The following KCNQ5 variants were observed in gnomAD, a reference collection of about 807,000 sequenced individuals.
The protein encoded by KCNQ5 is potassium voltage-gated channel subfamily KQT member 5.
In KCNQ5, 30 loss-of-function variants were observed where a neutral mutation model predicts 98.2. That is an observed-to-expected ratio of 0.31 (90% CI 0.23 to 0.41). The LOEUF (loss-of-function observed/expected upper bound fraction) is 0.41, where lower values mean the gene tolerates loss of function less well. KCNQ5 is among the 10% of genes least tolerant of loss of function. KCNQ5 has a pLI of 1.00. For synonymous variants in KCNQ5, 458 were observed against 449.4 expected, an observed-to-expected ratio of 1.02 and a Z score of -0.24; for missense variants, 835 against 1,182.5, an observed-to-expected ratio of 0.71 and a Z score of 4.31.
intron 3 of KCNQ5, among the ~76,000 whole-genome samples, chr6:73,062,650 T>C (rs1288634623): frequency 6.6e-6 from 1 of 152,214 alleles, no homozygotes; most frequent in East Asian, 1.9e-4. Context: ...TCAGAGGTTT[T>C]CAAAAGGATA....
intron 3 of KCNQ5, among the ~76,000 whole-genome samples, chr6:73,051,464 A>C (rs1282558734): frequency 6.6e-6 from 1 of 152,108 alleles, no homozygotes; most frequent in Non-Finnish European, 1.5e-5. Context: ...GGCACCACCC[A>C]TCAGAGTATT....
intron 10 of KCNQ5, among the ~76,000 whole-genome samples, chr6:73,160,675 AG>A (rs1347356972): frequency 5.3e-5 from 8 of 152,222 alleles, no homozygotes; most frequent in Non-Finnish European, 1.2e-4. Flanking sequence ...AGCAGCACCA[AG>A]GAACACAGGA....
intron 2 of KCNQ5, among the ~76,000 whole-genome samples, chr6:73,035,745 C>T (rs1045085222): frequency 6.6e-6 from 1 of 152,154 alleles, no homozygotes; most frequent in Non-Finnish European, 1.5e-5. Flanking sequence ...TTTCCTCTTA[C>T]GAGTCTATCC....
intron 1 of KCNQ5, among the ~76,000 whole-genome samples, chr6:72,758,169 C>T (rs1192028399): frequency 2.0e-5 from 3 of 151,930 alleles, no homozygotes; most frequent in Admixed American, 1.3e-4. Flanking sequence ...GAAAGAATCC[C>T]TTCTTCTCAT....
At chr6:73,003,839 A>C (rs1769702206) in intron 1 of KCNQ5, 69 bp from the exon 2 acceptor site, 1 of 1,059,084 alleles carries the variant, frequency 9.4e-7, no homozygotes, top group Non-Finnish European at 1.4e-6. Flanking sequence ...TATTCATTTG[A>C]AGCAAGAAAT....
At chr6:72,671,156 CA>C (rs1226092963) in intron 1 of KCNQ5, among the ~76,000 whole-genome samples, 1 of 152,180 alleles carries the variant, frequency 6.6e-6, no homozygotes, top group African/African-American at 2.4e-5. Context: ...AGCGTTCTCT[CA>C]GGCCTTCTCC....
At chr6:72,723,427 C>T (rs901224631) in intron 1 of KCNQ5, among the ~76,000 whole-genome samples, 8 of 151,996 alleles carry the variant, frequency 5.3e-5, no homozygotes, top group African/African-American at 1.9e-4. Flanking sequence ...ATACCTGTTA[C>T]TTTATATATG....
intron 9 of KCNQ5, among the ~76,000 whole-genome samples, chr6:73,129,379 C>A (rs552709927): frequency 2.6e-5 from 4 of 152,268 alleles, no homozygotes; most frequent in Admixed American, 2.6e-4. Context: ...TCACACAAAC[C>A]AAGAACTTAC....
At chr6:72,706,663 T>G (rs1391650833) in intron 1 of KCNQ5, among the ~76,000 whole-genome samples, 1 of 152,280 alleles carries the variant, frequency 6.6e-6, no homozygotes, top group East Asian at 1.9e-4. Flanking sequence ...TACAGCAACC[T>G]AAACTGATGT....
chr6:72,742,195 C>T (rs1479420828), intron 1 of KCNQ5, among the ~76,000 whole-genome samples: 2 of 152,098 alleles, frequency 1.3e-5, no homozygotes, highest in African/African-American at 2.4e-5. Context: ...CACAGTGGAG[C>T]CCTGGTTAGA....
chr6:72,692,411 A>G (rs1426742880), intron 1 of KCNQ5, among the ~76,000 whole-genome samples: 1 of 152,208 alleles, frequency 6.6e-6, no homozygotes, highest in Non-Finnish European at 1.5e-5. Flanking sequence ...CATGATTATC[A>G]AGGTTCATGC....
chr6:72,928,443 T>G (rs952492170), intron 1 of KCNQ5, among the ~76,000 whole-genome samples: 3 of 152,094 alleles, frequency 2.0e-5, no homozygotes, highest in Non-Finnish European at 4.4e-5. Flanking sequence ...ACTAAAATCC[T>G]TTCTTCATAG....
Position 73,140,524 on chromosome 6 carries a change from C to T in KCNQ5, c.1468+6883C>T, listed in dbSNP as rs1329591623. Among the ~76,000 whole-genome samples the T allele has an allele frequency of 2.0e-5, 3 of 152,158 alleles. 1 individual carries two copies. In the South Asian group the frequency reaches 6.2e-4, roughly 32 times the overall value. ...TATCCTATTAGGGCTTCCACTTAAC[C>T]TGTTTGTGCAGATTTCTGGCCTGGG... On this transcript the variant is annotated intron_variant, in intron 10 of 13. Transcript: ENST00000370398.
At chr6:72,816,598 A>G (rs968035334) in intron 1 of KCNQ5, among the ~76,000 whole-genome samples, 5 of 152,202 alleles carry the variant, frequency 3.3e-5, no homozygotes, top group Admixed American at 2.6e-4. Flanking sequence ...TGTAATTGAC[A>G]TGTTCCAATT....
At chr6:73,052,448 A>G (rs1280976707) in intron 3 of KCNQ5, among the ~76,000 whole-genome samples, 2 of 152,208 alleles carry the variant, frequency 1.3e-5, no homozygotes, top group African/African-American at 4.8e-5. Flanking sequence ...CAGATTCTCT[A>G]AGGTCAAAAC....
chr6:72,968,495 T>A (rs1426442988), intron 1 of KCNQ5, among the ~76,000 whole-genome samples: 1 of 152,024 alleles, frequency 6.6e-6, no homozygotes, highest in East Asian at 1.9e-4. Flanking sequence ...AAATTCAGAT[T>A]ATATCTCCCA....
At chr6:72,896,277 T>C (rs546997021) in intron 1 of KCNQ5, among the ~76,000 whole-genome samples, 2 of 152,286 alleles carry the variant, frequency 1.3e-5, no homozygotes, top group Non-Finnish European at 2.9e-5. Flanking sequence ...ACGTTGGAAA[T>C]GGCAGACAAA....
intron 2 of KCNQ5, among the ~76,000 whole-genome samples, chr6:73,007,567 A>G (rs561222428): frequency 8.5e-5 from 13 of 152,208 alleles, no homozygotes; most frequent in Non-Finnish European, 1.6e-4. Flanking sequence ...GAAGGCTTAG[A>G]TGGTAAGTTG....
At chr6:73,033,608 C>T (rs578186907) in intron 2 of KCNQ5, among the ~76,000 whole-genome samples, 2 of 152,242 alleles carry the variant, frequency 1.3e-5, no homozygotes, top group South Asian at 2.1e-4. Context: ...CGCAGTGACA[C>T]TGTCTGTCAA....
Sources: gnomAD v4.1 joint callset for allele counts (sites outside exome capture counted in the v4.1 genomes callset) on GRCh38, gnomAD v4.1.1 for gene constraint, MANE v1.5 for transcripts, NCBI Gene and HGNC (gene_info 2026-07-23, HGNC 2026-07-21) for gene names.